NPAS3: variants seen among roughly 807,000 people sequenced by gnomAD.
NPAS3 encodes neuronal PAS domain-containing protein 3.
NPAS3 carries 14 observed loss-of-function variants against 73.1 expected under a neutral mutation model. The observed-to-expected ratio is 0.19, with a 90% CI of 0.13 to 0.30. NPAS3 has a LOEUF of 0.30. Among genes scored for constraint, NPAS3 ranks in the 10% least tolerant of loss-of-function variants. The probability of loss-of-function intolerance (pLI) is 1.00; values close to 1 mark genes in which losing one functional copy is unlikely to be tolerated. For synonymous variants in NPAS3, 620 were observed against 541.5 expected, an observed-to-expected ratio of 1.14 and a Z score of -2.01; for missense variants, 1,096 against 1,250.0, an observed-to-expected ratio of 0.88 and a Z score of 1.86.
chr14:33,789,005 G>T (rs889257445), intron 9 of NPAS3, among the ~76,000 whole-genome samples: 4 of 151,604 alleles, frequency 2.6e-5, no homozygotes, highest in Admixed American at 2.6e-4. Context: ...GGGGAAACCT[G>T]TGTTTGATGT....
In NPAS3 at chr14:33,290,036, T is replaced by C. The variant is rs1490811565; in HGVS notation, c.385+74610T>C. On this transcript the variant is annotated intron_variant, in intron 3 of 11. Coordinates refer to ENST00000356141, the Ensembl canonical transcript of NPAS3. ...GTTAGAAGCCTTTTTTCTACATCCATTTGGGAGCTGCCTGTTTCATGGCCA... is the reference window on the plus strand; with the variant it reads ...GTTAGAAGCCTTTTTTCTACATCCACTTGGGAGCTGCCTGTTTCATGGCCA... Among the ~76,000 whole-genome samples, 7 of 152,288 alleles carry C rather than the reference T, an allele frequency of 4.6e-5. No individual in the cohort carries two copies. In the East Asian group the frequency reaches 1.4e-3, roughly 29 times the overall value.
At chr14:33,188,972 C>G (rs1304121714) in intron 2 of NPAS3, among the ~76,000 whole-genome samples, 1 of 152,034 alleles carries the variant, frequency 6.6e-6, no homozygotes, top group Non-Finnish European at 1.5e-5. Flanking sequence ...TCCTCAATAG[C>G]CTTTATTTGC....
At chr14:33,703,487 C>T (rs1001325008) in intron 6 of NPAS3, among the ~76,000 whole-genome samples, 1 of 152,128 alleles carries the variant, frequency 6.6e-6, no homozygotes. Context: ...GAGCAAGACC[C>T]TGTCTCTTAA....
At chr14:33,641,727 A>G (rs1426475805) in intron 5 of NPAS3, among the ~76,000 whole-genome samples, 2 of 151,920 alleles carry the variant, frequency 1.3e-5, no homozygotes, top group Admixed American at 1.3e-4. Context: ...ATTTCTGTCT[A>G]TGGTCTCCTG....
chr14:33,191,417 A>G (rs1041186414), intron 2 of NPAS3, among the ~76,000 whole-genome samples: 3 of 152,198 alleles, frequency 2.0e-5, no homozygotes, highest in Non-Finnish European at 4.4e-5. Flanking sequence ...AAGCAACTAA[A>G]TAATTATAAT....
chr14:33,562,899 G>GCACACACACACACACACACACACACA (rs56063953), intron 5 of NPAS3, among the ~76,000 whole-genome samples: 11 of 149,736 alleles, frequency 7.3e-5, no homozygotes, highest in African/African-American at 1.7e-4. Context: ...TCTTTTATGA[G>GCACACACACACACACACACACACACA]CACACACACA....
chr14:33,642,134 G>A (rs1404267094), intron 5 of NPAS3, among the ~76,000 whole-genome samples: 16 of 152,032 alleles, frequency 1.1e-4, no homozygotes, highest in African/African-American at 2.7e-4. Flanking sequence ...AGAGGGCAGC[G>A]CTGAAGTTTC....
chr14:33,488,875 G>C (rs1321465844), intron 4 of NPAS3, among the ~76,000 whole-genome samples: 1 of 152,190 alleles, frequency 6.6e-6, no homozygotes, highest in Non-Finnish European at 1.5e-5. Flanking sequence ...GGTGCCGTAT[G>C]AAAGTGTAAA....
chr14:33,497,079 G>A (rs1472754042), intron 4 of NPAS3, among the ~76,000 whole-genome samples: 2 of 152,102 alleles, frequency 1.3e-5, no homozygotes, highest in African/African-American at 4.8e-5. Context: ...GCCAAATCAT[G>A]AGTGAACTCC....
At chr14:33,763,284 C>T (rs1666064408) in intron 7 of NPAS3, among the ~76,000 whole-genome samples, 1 of 152,204 alleles carries the variant, frequency 6.6e-6, no homozygotes, top group South Asian at 2.1e-4. Context: ...AAATTACTCT[C>T]ATTTAGGATG....
intron 3 of NPAS3, among the ~76,000 whole-genome samples, chr14:33,325,471 C>T (rs1269846891): frequency 6.6e-6 from 1 of 152,002 alleles, no homozygotes; most frequent in Non-Finnish European, 1.5e-5. Flanking sequence ...CATGGTGAAA[C>T]CCTGTCTCTA....
chr14:33,561,625 G>A (rs1305321069), intron 5 of NPAS3, among the ~76,000 whole-genome samples: 4 of 152,140 alleles, frequency 2.6e-5, no homozygotes, highest in Admixed American at 1.3e-4. Flanking sequence ...ACCTAGTATT[G>A]AGAATCTTCA....
At chr14:33,391,187 C>CTTTT (rs370631048) in intron 4 of NPAS3, among the ~76,000 whole-genome samples, 47 of 109,816 alleles carry the variant, frequency 4.3e-4, no homozygotes, top group African/African-American at 1.2e-3. Flanking sequence ...TGGCCCATAT[C>CTTTT]TTTTTTTTTT....
rs2053071751 is a variant in NPAS3 at position 33,511,867 on chromosome 14, T to C, written c.469-48254T>C. On this transcript the variant is annotated intron_variant, in intron 4 of 11. Coordinates refer to ENST00000356141, the Ensembl canonical transcript of NPAS3. ...ATTCTACTTCAGTGTGGCTCAAACA[T>C]TAGCATGCATCAGAATCACCTTGGA... is the stretch of plus-strand genomic sequence containing the variant. 2.6e-5 allele frequency among the ~76,000 whole-genome samples: 4 copies of C among 152,166 alleles called. No individual in the cohort carries two copies. The South Asian group carries it at 8.3e-4, about 32-fold the overall frequency.
chr14:32,943,726 C>A lies in NPAS3; in HGVS notation c.50+4360C>A, dbSNP rs1010941533. ...TTTTTTTTTTAGACAGAGTCTTGCT[C>A]TGTTGCCCAGGCATGCTGGAGTGCA... On this transcript the variant is annotated intron_variant, in intron 1 of 11. Coordinates refer to ENST00000356141, the Ensembl canonical transcript of NPAS3. 3.1e-5 allele frequency among the ~76,000 whole-genome samples: 4 copies of A among 128,062 alleles called. No individual in the cohort carries two copies. The Admixed American group carries it at 3.8e-4, about 12-fold the overall frequency. 84.0% of individuals were successfully genotyped at this position (128,062 alleles called of 152,430 possible). A position where few individuals can be genotyped will look rare whatever the true frequency, so the allele number is the denominator to read the frequency against.
chr14:33,125,831 A>G (rs977197528), intron 2 of NPAS3, among the ~76,000 whole-genome samples: 1 of 152,220 alleles, frequency 6.6e-6, no homozygotes, highest in Admixed American at 6.5e-5. Flanking sequence ...TTACTTAAAA[A>G]TAGTAATGTT....
Position 33,263,903 on chromosome 14 carries a change from C to T in NPAS3, c.385+48477C>T, listed in dbSNP as rs144395711. On this transcript the variant is annotated intron_variant, in intron 3 of 11. Transcript: ENST00000356141. ...AAGCAATTGCAAATGACCATTTGAC[C>T]CAGCCATCCCATTACTGGGTATATA... Among the ~76,000 whole-genome samples the T allele has an allele frequency of 9.0e-3, 1,365 of 152,162 alleles. 13 individuals are homozygous for T. Among genetic ancestry groups the T allele is most frequent in the Admixed American group, 0.017 (258 of 15,268 alleles).
chr14:33,756,411 G>T (rs2062117146), intron 7 of NPAS3, among the ~76,000 whole-genome samples: 1 of 152,180 alleles, frequency 6.6e-6, no homozygotes, highest in Non-Finnish European at 1.5e-5. Context: ...ATCTTATATT[G>T]AAAGGTTTTT....
chr14:33,257,723 C>G (rs561473092), intron 3 of NPAS3, among the ~76,000 whole-genome samples: 1 of 152,284 alleles, frequency 6.6e-6, no homozygotes, highest in African/African-American at 2.4e-5. Context: ...TAACAGGTCA[C>G]TCCAGGGAAA....
Sources: allele counts gnomAD v4.1 joint callset (sites outside exome capture counted in the v4.1 genomes callset), GRCh38; gene constraint gnomAD v4.1.1; transcripts MANE v1.5; gene names NCBI Gene and HGNC (gene_info 2026-07-23, HGNC 2026-07-21).